FOXP1: variants seen among roughly 807,000 people sequenced by gnomAD.
The protein encoded by FOXP1 is forkhead box P1, also known as forkhead box protein P1.
A neutral mutation model predicts 98.2 loss-of-function variants in FOXP1; 15 were observed. That is an observed-to-expected ratio of 0.15 (90% confidence interval 0.10 to 0.24). FOXP1 has a LOEUF of 0.24. FOXP1 is among the 10% of genes least tolerant of loss of function. The pLI, the probability that FOXP1 is intolerant of heterozygous loss-of-function variation, is 1.00. For missense variants in FOXP1, 633 were observed against 848.5 expected (o/e 0.75, Z 3.15); for synonymous variants, 371 against 314.5 (o/e 1.18, Z -1.90).
chr3:71,406,460 T>G (rs943911696), intron 3 of FOXP1, among the ~76,000 whole-genome samples: 2 of 145,912 alleles, frequency 1.4e-5, no homozygotes, highest in Non-Finnish European at 3.1e-5. Flanking sequence ...GCGTATCTTG[T>G]GTGAAAATCA....
rs145122449 is a variant in FOXP1, at chr3:71,323,117, T to C, written c.-72-23237A>G. The stretch of plus-strand genomic sequence containing the variant: ...TCCTGAGTAGCTGGGACTACAGACA[T>C]GCACCACCACGTCTGGCTAATTTTT... On this transcript the variant is annotated intron_variant, in intron 4 of 20. Coordinates refer to ENST00000649528, the MANE Select transcript of FOXP1 (RefSeq NM_001349338.3). 7.4e-3 allele frequency among the ~76,000 whole-genome samples: 1,125 copies of C among 152,074 alleles called. 29 individuals are homozygous for C. The highest frequency in any genetic ancestry group is 4.8e-3 in the Non-Finnish European group (329 of 67,974).
At chr3:71,282,672 T>C (rs181475080) in intron 5 of FOXP1, among the ~76,000 whole-genome samples, 4 of 152,228 alleles carry the variant, frequency 2.6e-5, no homozygotes, top group East Asian at 1.9e-4. Context: ...AGCTAACAAG[T>C]AGCAAGACCA....
intron 7 of FOXP1, among the ~76,000 whole-genome samples, chr3:71,068,059 C>T (rs1052903817): frequency 2.0e-5 from 3 of 149,744 alleles, no homozygotes; most frequent in Non-Finnish European, 1.5e-5. Context: ...GAGGGGTAAG[C>T]CAACGTTTAA....
chr3:71,241,388 C>A (rs1002070473), intron 5 of FOXP1, among the ~76,000 whole-genome samples: 3 of 152,088 alleles, frequency 2.0e-5, no homozygotes, highest in Non-Finnish European at 4.4e-5. Context: ...GACTTAGGGG[C>A]GAGTGGAGAG....
At chr3:71,491,952 T>C (rs1261676946) in intron 3 of FOXP1, among the ~76,000 whole-genome samples, 2 of 152,192 alleles carry the variant, frequency 1.3e-5, no homozygotes, top group Admixed American at 1.3e-4. Flanking sequence ...TTAATCTCTG[T>C]AATTGAAATA....
intron 8 of FOXP1, among the ~76,000 whole-genome samples, chr3:71,052,889 T>C (rs1304955601): frequency 6.6e-6 from 1 of 152,200 alleles, no homozygotes; most frequent in Non-Finnish European, 1.5e-5. Flanking sequence ...GAATGACCTT[T>C]GATTGTACAA....
intron 5 of FOXP1, among the ~76,000 whole-genome samples, chr3:71,294,011 T>A (rs2073032036): frequency 6.6e-6 from 1 of 152,172 alleles, no homozygotes; most frequent in South Asian, 2.1e-4. Flanking sequence ...AGTGAAAGAA[T>A]CCAGTCACAA....
chr3:71,464,245 C>T (rs1457722330), intron 3 of FOXP1, among the ~76,000 whole-genome samples: 1 of 152,162 alleles, frequency 6.6e-6, no homozygotes, highest in African/African-American at 2.4e-5. Context: ...CACTGCACTC[C>T]AGCCTGGGCG....
intron 7 of FOXP1, among the ~76,000 whole-genome samples, chr3:71,106,702 C>A (rs1345965954): frequency 1.3e-5 from 2 of 151,698 alleles, no homozygotes; most frequent in East Asian, 3.9e-4. Flanking sequence ...TCAAGAGATC[C>A]TCTGGCCTCA....
chr3:71,098,657 A>T (rs755323593), intron 7 of FOXP1, among the ~76,000 whole-genome samples: 1 of 152,178 alleles, frequency 6.6e-6, no homozygotes, highest in Non-Finnish European at 1.5e-5. Flanking sequence ...TTCATCACTC[A>T]GTTATTCACT....
chr3:71,561,478 G>C (rs557324933), intron 2 of FOXP1, among the ~76,000 whole-genome samples: 16 of 150,700 alleles, frequency 1.1e-4, no homozygotes, highest in African/African-American at 3.4e-4. Context: ...GACCCGTTGT[G>C]ATTACAGTAT....
intron 18 of FOXP1, chr3:70,971,146 T>G (rs2036148819): frequency 2.9e-6 from 1 of 347,942 alleles, no homozygotes; most frequent in Non-Finnish European, 5.6e-6. Flanking sequence ...TAGGAGGTCG[T>G]GCTGGGGAAG....
chr3:71,058,418 A>G (rs188370159), intron 7 of FOXP1, among the ~76,000 whole-genome samples: 69 of 152,294 alleles, frequency 4.5e-4, no homozygotes, highest in African/African-American at 1.6e-3. Flanking sequence ...ATCATTCACC[A>G]CATGTATGTC....
In FOXP1 at chr3:71,009,045, T is replaced by C. The variant is rs148993625; in HGVS notation, c.974+6504A>G. Among the ~76,000 whole-genome samples the C allele has an allele frequency of 1.8e-3, 269 of 150,926 alleles. 2 individuals are homozygous for C. Among genetic ancestry groups the C allele is most frequent in the African/African-American group, 5.7e-3 (234 of 41,000 alleles). The stretch of plus-strand genomic sequence containing the variant: ...GAGCTGCAGAAGACCAGAAAGCTGT[T>C]ACCTGGCAAAGTCACTTCCTCTCCC... On this transcript the variant is annotated intron_variant, in intron 12 of 20. Coordinates refer to ENST00000649528, the MANE Select transcript of FOXP1 (RefSeq NM_001349338.3).
At chr3:71,174,449 A>G (rs1576202562) in intron 6 of FOXP1, among the ~76,000 whole-genome samples, 1 of 152,280 alleles carries the variant, frequency 6.6e-6, no homozygotes, top group Middle Eastern at 3.4e-3. Flanking sequence ...AAAGGAAACC[A>G]GGAAAACACA....
chr3:71,386,139 TCAAA>T (rs2080553639), intron 3 of FOXP1, among the ~76,000 whole-genome samples: 1 of 152,150 alleles, frequency 6.6e-6, no homozygotes, highest in Admixed American at 6.5e-5. Context: ...TCCAATCTCA[TCAAA>T]CACTCAACTG....
chr3:71,408,884 T>C (rs753589989), intron 3 of FOXP1, among the ~76,000 whole-genome samples: 3 of 152,216 alleles, frequency 2.0e-5, no homozygotes, highest in Non-Finnish European at 4.4e-5. Context: ...GCAGAATCGA[T>C]GAACAAATCA....
At chr3:71,072,330 A>C (rs1477623227) in intron 7 of FOXP1, among the ~76,000 whole-genome samples, 1 of 152,180 alleles carries the variant, frequency 6.6e-6, no homozygotes, top group East Asian at 1.9e-4. Flanking sequence ...CCATCTCTAC[A>C]ATGAATGAAT....
chr3:71,055,333 C>T (rs867369299), intron 7 of FOXP1, among the ~76,000 whole-genome samples: 1 of 152,116 alleles, frequency 6.6e-6, no homozygotes, highest in Non-Finnish European at 1.5e-5. Context: ...GTTTGGAAAA[C>T]ACTAGTTAGA....
Sources: allele counts gnomAD v4.1 joint callset (sites outside exome capture counted in the v4.1 genomes callset), GRCh38; gene constraint gnomAD v4.1.1; transcripts MANE v1.5; gene names NCBI Gene and HGNC (gene_info 2026-07-23, HGNC 2026-07-21).